ASIC2: variants seen among roughly 807,000 people sequenced by gnomAD.
The protein encoded by ASIC2 is acid-sensing ion channel 2.
In ASIC2, 25 loss-of-function variants were observed where a neutral mutation model predicts 57.3. The observed-to-expected ratio is 0.44, with a 90% confidence interval of 0.32 to 0.61. The LOEUF (loss-of-function observed/expected upper bound fraction) is 0.61. ASIC2 is among the 20% of genes least tolerant of loss of function. The pLI is 0.06. For synonymous variants in ASIC2, 319 were observed against 307.5 expected (o/e 1.04, Z -0.39); for missense variants, 641 against 738.1 (o/e 0.87, Z 1.52).
chr17:33,586,228 A>G (rs943617693), intron 1 of ASIC2, among the ~76,000 whole-genome samples: 6 of 152,148 alleles, frequency 3.9e-5, no homozygotes, highest in African/African-American at 9.7e-5. Flanking sequence ...AAGCCAGTCT[A>G]TCTTTCTGGA....
intron 1 of ASIC2, among the ~76,000 whole-genome samples, chr17:33,926,513 C>A (rs1964859942): frequency 6.6e-6 from 1 of 152,106 alleles, no homozygotes; most frequent in South Asian, 2.1e-4. Context: ...GTGCATAAAA[C>A]AAAGTTTGTG....
At chr17:33,522,370 G>A (rs891675991) in intron 1 of ASIC2, among the ~76,000 whole-genome samples, 7 of 152,242 alleles carry the variant, frequency 4.6e-5, no homozygotes, top group African/African-American at 1.7e-4. Context: ...CTGCAGGAGT[G>A]AGCTGAAGGC....
At chr17:33,602,784 A>G (rs1905141977) in intron 1 of ASIC2, among the ~76,000 whole-genome samples, 1 of 152,176 alleles carries the variant, frequency 6.6e-6, no homozygotes, top group Non-Finnish European at 1.5e-5. Flanking sequence ...TGTGGGATCC[A>G]CTTGACTTAT....
intron 1 of ASIC2, among the ~76,000 whole-genome samples, chr17:33,261,232 C>T (rs1909268361): frequency 6.6e-6 from 1 of 152,210 alleles, no homozygotes; most frequent in Admixed American, 6.5e-5. Flanking sequence ...ATCAGAATTT[C>T]CACCTACGCT....
At chr17:33,452,636 G>GATGCC (rs1472352058) in intron 1 of ASIC2, among the ~76,000 whole-genome samples, 2 of 152,092 alleles carry the variant, frequency 1.3e-5, no homozygotes, top group African/African-American at 4.8e-5. Context: ...TTTGCATAAT[G>GATGCC]ATGCCATGCA....
At chr17:33,420,083 G>T (rs933998137) in intron 1 of ASIC2, among the ~76,000 whole-genome samples, 5 of 152,156 alleles carry the variant, frequency 3.3e-5, no homozygotes, top group African/African-American at 1.2e-4. Context: ...TTATGTAAAT[G>T]CATTATCATA....
intron 1 of ASIC2, among the ~76,000 whole-genome samples, chr17:33,710,041 T>A (rs1908979474): frequency 6.6e-6 from 1 of 152,226 alleles, no homozygotes; most frequent in Non-Finnish European, 1.5e-5. Context: ...ATTAATTATC[T>A]CTGCCTCCAA....
intron 1 of ASIC2, among the ~76,000 whole-genome samples, chr17:33,411,864 T>A (rs1462863323): frequency 6.6e-6 from 1 of 152,072 alleles, no homozygotes; most frequent in African/African-American, 2.4e-5. Context: ...ACTGTGAGGG[T>A]CAAATGAGAT....
chr17:33,787,405 C>T (rs1911638359), intron 1 of ASIC2, among the ~76,000 whole-genome samples: 1 of 152,146 alleles, frequency 6.6e-6, no homozygotes, highest in African/African-American at 2.4e-5. Context: ...ATCTAGTGTT[C>T]CCTTCAGAGC....
chr17:33,069,824 C>A (rs12600520), intron 3 of ASIC2, among the ~76,000 whole-genome samples: 59,826 of 151,942 alleles, frequency 0.39, 12,109 homozygotes, highest in South Asian at 0.47. Flanking sequence ...TGTGGTTAAA[C>A]CATTTGCATT....
rs906430865 is a variant in ASIC2 at position 34,085,117 on chromosome 17, A to T, written c.555+70861T>A. On this transcript the variant is annotated intron_variant, in intron 1 of 9. Coordinates refer to the ASIC2 transcript ENST00000359872. Reference sequence around the variant, plus strand: ...AGAGAGGGCATCCCCGTCTTGTGCCAATTTTCAAAGGGAATGCTTCCAGTT... The same window carrying T: ...AGAGAGGGCATCCCCGTCTTGTGCCTATTTTCAAAGGGAATGCTTCCAGTT... Among the ~76,000 whole-genome samples the T allele has an allele frequency of 4.6e-5, 7 of 152,272 alleles. No homozygotes were observed. The East Asian group carries it at 7.7e-4, about 17-fold the overall frequency.
chr17:33,940,956 A>G (rs1391830426), intron 1 of ASIC2, among the ~76,000 whole-genome samples: 2 of 151,526 alleles, frequency 1.3e-5, no homozygotes, highest in Admixed American at 1.3e-4. Context: ...CACAGCCTCC[A>G]GGGCCAGGCT....
intron 1 of ASIC2, among the ~76,000 whole-genome samples, chr17:33,181,157 A>G (rs1905968986): frequency 6.6e-6 from 1 of 152,188 alleles, no homozygotes. Flanking sequence ...ACCTGGAGCC[A>G]TAATATTAGA....
intron 1 of ASIC2, among the ~76,000 whole-genome samples, chr17:34,034,510 A>G (rs1190511091): frequency 6.6e-6 from 1 of 152,198 alleles, no homozygotes; most frequent in Non-Finnish European, 1.5e-5. Flanking sequence ...AATTCTGGCC[A>G]GGGCAATCAG....
In ASIC2 at chr17:33,597,650, G is replaced by T. The variant is rs114082505; in HGVS notation, c.556-485583C>A. Among the ~76,000 whole-genome samples, 493 of 152,248 alleles carry T rather than the reference G, an allele frequency of 3.2e-3. 4 individuals are homozygous for T. Among genetic ancestry groups the T allele is most frequent in the African/African-American group, 0.011 (466 of 41,536 alleles). Reference sequence around the variant, plus strand: ...TGCTGTAATTACAATAATCCTAGCGGTAAAGTTGACCTTAATACGTGATGG... The same window carrying T: ...TGCTGTAATTACAATAATCCTAGCGTTAAAGTTGACCTTAATACGTGATGG... On this transcript the variant is annotated intron_variant, in intron 1 of 9. Coordinates refer to the ASIC2 transcript ENST00000359872.
chr17:34,032,542 T>G (rs868656413), intron 1 of ASIC2, among the ~76,000 whole-genome samples: 71 of 151,970 alleles, frequency 4.7e-4, no homozygotes, highest in African/African-American at 1.6e-3. Context: ...TGGGCTAAAT[T>G]CTCCAATTAA....
chr17:33,442,191 G>A (rs971498683), intron 1 of ASIC2, among the ~76,000 whole-genome samples: 2 of 152,158 alleles, frequency 1.3e-5, no homozygotes, highest in African/African-American at 4.8e-5. Context: ...TTTATAGTAT[G>A]TTTTGAAATT....
rs1223477640 is a variant in ASIC2, at chr17:33,565,198, A to ATC, written c.556-453133_556-453132dup. Among the ~76,000 whole-genome samples the ATC allele has an allele frequency of 3.3e-5, 5 of 151,974 alleles. No individual in the cohort carries two copies. In the East Asian group the frequency reaches 5.8e-4, roughly 18 times the overall value. ...CTTCCCTCCAACTCTGTCCTGCAGGATCTCTCTCTCTCATTAATAATAACT... is the reference window on the plus strand; with the variant it reads ...CTTCCCTCCAACTCTGTCCTGCAGGATCTCTCTCTCTCTCATTAATAATAACT... On this transcript the variant is annotated intron_variant, in intron 1 of 9. Coordinates refer to the ASIC2 transcript ENST00000359872.
At chr17:33,401,774 G>T (rs904054020) in intron 1 of ASIC2, among the ~76,000 whole-genome samples, 4 of 152,112 alleles carry the variant, frequency 2.6e-5, no homozygotes, top group Non-Finnish European at 5.9e-5. Flanking sequence ...TGGGTAAATT[G>T]GACACAACAC....
Sources: gnomAD v4.1 joint callset for allele counts (sites outside exome capture counted in the v4.1 genomes callset) on GRCh38, gnomAD v4.1.1 for gene constraint, MANE v1.5 for transcripts, NCBI Gene and HGNC (gene_info 2026-07-23, HGNC 2026-07-21) for gene names.